The following RASA2 variants were observed in gnomAD, a reference collection of about 807,000 sequenced individuals.
RASA2 encodes RAS p21 protein activator 2.
RASA2 carries 155 observed loss-of-function variants against 118.2 expected under a neutral mutation model. That is an observed-to-expected ratio of 1.31 (90% CI 1.15 to 1.50). The LOEUF is 1.50. Ranked by LOEUF, RASA2 falls within the 40% of genes most tolerant of loss-of-function variation. The probability of loss-of-function intolerance (pLI) is 0.00; values close to 1 mark genes in which losing one functional copy is unlikely to be tolerated. For synonymous variants in RASA2, 353 were observed against 349.1 expected, an observed-to-expected ratio of 1.01 and a Z score of -0.12; for missense variants, 1,016 against 1,009.6, an observed-to-expected ratio of 1.01 and a Z score of -0.09.
intron 5 of RASA2, among the ~76,000 whole-genome samples, chr3:141,548,064 C>T (rs1344284808): frequency 1.3e-5 from 2 of 152,066 alleles, no homozygotes; most frequent in Non-Finnish European, 2.9e-5. Flanking sequence ...ATCTTTTTAA[C>T]GTGTTGTCGA....
intron 14 of RASA2, among the ~76,000 whole-genome samples, chr3:141,574,586 C>T (rs1046644314): frequency 1.3e-5 from 2 of 152,112 alleles, no homozygotes; most frequent in African/African-American, 4.8e-5. Flanking sequence ...ATACATATTC[C>T]ATTTTATTTC....
chr3:141,516,358 G>A lies in RASA2; in HGVS notation c.282G>A (p.Glu94=). 1.3e-6 allele frequency: 2 copies of A among 1,564,952 alleles called. No individual in the cohort carries two copies. The highest frequency in any genetic ancestry group is 2.4e-5 in the East Asian group (1 of 42,408). The change falls in exon 3 of 24, where the codon GAG becomes GAA. Residue 94 remains glutamate, a synonymous_variant. Transcript: ENST00000286364. ...SPFFSEEFYF[E]IPRTFQYLSF... ...TTTTCAGTGAAGAATTTTACTTTGAGATTCCAAGAACTTTCCAGTATTTGT... is the reference window on the plus strand; with the variant it reads ...TTTTCAGTGAAGAATTTTACTTTGAAATTCCAAGAACTTTCCAGTATTTGT...
At chr3:141,590,187 T>C (rs1299386451) in intron 19 of RASA2, 5 of 456,130 alleles carry the variant, frequency 1.1e-5, no homozygotes, top group Non-Finnish European at 2.2e-5. Flanking sequence ...ATTGATAATA[T>C]TAATTGTTAT....
intron 1 of RASA2, among the ~76,000 whole-genome samples, chr3:141,499,509 G>A (rs1004816910): frequency 1.3e-5 from 2 of 152,106 alleles, no homozygotes; most frequent in African/African-American, 2.4e-5. Context: ...AGAGTCCTGT[G>A]CCCACTCAAG....
At chr3:141,570,766 T>A (rs1346173742) in intron 9 of RASA2, 146 bp from the exon 10 acceptor site, 1 of 652,848 alleles carries the variant, frequency 1.5e-6, no homozygotes, top group African/African-American at 1.9e-5. Flanking sequence ...TTTCTGAAGA[T>A]GAGTATCCTG....
At chr3:141,509,205 T>C (rs1198090856) in intron 1 of RASA2, among the ~76,000 whole-genome samples, 2 of 152,234 alleles carry the variant, frequency 1.3e-5, no homozygotes, top group Non-Finnish European at 2.9e-5. Context: ...CATTGGTGGA[T>C]ATTTAAGAAG....
intron 5 of RASA2, among the ~76,000 whole-genome samples, chr3:141,545,947 C>A (rs929010411): frequency 1.4e-4 from 22 of 152,254 alleles, no homozygotes; most frequent in African/African-American, 5.3e-4. Context: ...CAAGTGAGAC[C>A]ATACGAGGTT....
chr3:141,585,932 C>A, intron 17 of RASA2, 93 bp from the exon 18 acceptor site: 1 of 919,146 alleles, frequency 1.1e-6, no homozygotes, highest in Admixed American at 3.0e-5. Flanking sequence ...TAATGAAGAA[C>A]TTCCCATTAT....
intron 17 of RASA2, 55 bp from the exon 18 acceptor site, chr3:141,585,969 AT>A (rs1475180063): frequency 1.1e-5 from 15 of 1,417,104 alleles, no homozygotes; most frequent in Non-Finnish European, 1.1e-5. Flanking sequence ...GATAAACTGA[AT>A]TTTTTATAAT....
intron 7 of RASA2, among the ~76,000 whole-genome samples, chr3:141,557,442 G>A (rs191309379): frequency 1.1e-3 from 171 of 152,312 alleles, no homozygotes; most frequent in African/African-American, 4.0e-3. Context: ...CACAGAGACA[G>A]AAAAGCAGAA....
chr3:141,559,905 G>C lies in RASA2; in HGVS notation c.773G>C (p.Trp258Ser). ...TTTTCAATTTTCAGGATCGACTTGT[G>C]GAACAATGGAAACCTAGTCCAAGAT... The part of the protein sequence containing the change: ...IEKLEIRIDL[W>S]NNGNLVQDVF... The change falls in exon 9 of 24, where the codon TGG becomes TCG. Residue 258 changes from tryptophan to serine, a missense_variant. Transcript: ENST00000286364. The C allele has an allele frequency of 6.2e-7, 1 of 1,612,910 alleles. No homozygotes were observed. The highest frequency in any genetic ancestry group is 8.5e-7 in the Non-Finnish European group (1 of 1,179,232).
At chr3:141,502,283 C>G (rs956143708) in intron 1 of RASA2, among the ~76,000 whole-genome samples, 4 of 151,940 alleles carry the variant, frequency 2.6e-5, no homozygotes, top group African/African-American at 9.7e-5. Flanking sequence ...TTTTTTCTTT[C>G]CTCCTATCTC....
intron 15 of RASA2, chr3:141,578,646 C>T (rs1309533806): frequency 6.6e-6 from 1 of 152,218 alleles, no homozygotes; most frequent in Non-Finnish European, 1.5e-5. Flanking sequence ...CTTTTGTTCA[C>T]AGGGCTGTCC....
At chr3:141,513,838 A>G (rs186850344) in intron 2 of RASA2, among the ~76,000 whole-genome samples, 16 of 152,360 alleles carry the variant, frequency 1.1e-4, no homozygotes, top group African/African-American at 3.8e-4. Context: ...CGATATTTCT[A>G]GAGAATCTTT....
chr3:141,585,484 C>A (rs1207944226), intron 17 of RASA2, among the ~76,000 whole-genome samples: 1 of 152,102 alleles, frequency 6.6e-6, no homozygotes, highest in Non-Finnish European at 1.5e-5. Flanking sequence ...GAAATATGTT[C>A]TGGGTTTTAA....
intron 9 of RASA2, among the ~76,000 whole-genome samples, chr3:141,568,469 T>C (rs1381474102): frequency 6.6e-6 from 1 of 151,992 alleles, no homozygotes; most frequent in Non-Finnish European, 1.5e-5. Context: ...AGAATGGTAG[T>C]GTTTTGAAGA....
intron 23 of RASA2, among the ~76,000 whole-genome samples, chr3:141,611,761 C>T (rs2083655571): frequency 6.6e-6 from 1 of 152,004 alleles, no homozygotes; most frequent in Non-Finnish European, 1.5e-5. Flanking sequence ...TTTATATGTT[C>T]TTCCTAGATA....
intron 5 of RASA2, among the ~76,000 whole-genome samples, chr3:141,543,691 A>G (rs2082438173): frequency 6.6e-6 from 1 of 151,698 alleles, no homozygotes; most frequent in South Asian, 2.1e-4. Flanking sequence ...CTGAGTGGAC[A>G]GTTCTTTTCT....
rs1430591325 is a variant in RASA2 at position 141,608,916 on chromosome 3, A to G, written c.2225+219A>G. 5.3e-5 allele frequency among the ~76,000 whole-genome samples: 8 copies of G among 152,246 alleles called. No individual in the cohort carries two copies. The East Asian group carries it at 1.5e-3, about 29-fold the overall frequency. ...GTCTAGAATAGGTAAATTCATAGAA[A>G]CACAAAGTAGATTAGTGGTTACAAG... is the stretch of plus-strand genomic sequence containing the variant. On this transcript the variant is annotated intron_variant, in intron 21 of 23. Coordinates refer to ENST00000286364, the MANE Select transcript of RASA2 (RefSeq NM_006506.5).
Sources: gnomAD v4.1 joint callset for allele counts (sites outside exome capture counted in the v4.1 genomes callset) on GRCh38, gnomAD v4.1.1 for gene constraint, MANE v1.5 for transcripts, NCBI Gene and HGNC (gene_info 2026-07-23, HGNC 2026-07-21) for gene names.